SBNO1: variants seen among roughly 807,000 people sequenced by gnomAD.
SBNO1 encodes the protein strawberry notch homolog 1.
A neutral mutation model predicts 173.6 loss-of-function variants in SBNO1; 23 were observed. The ratio of observed to expected loss-of-function variants is 0.13; its 90% confidence interval spans 0.10 to 0.19. The LOEUF (loss-of-function observed/expected upper bound fraction) is 0.19, where lower values mean the gene tolerates loss of function less well. Ranked by LOEUF, SBNO1 falls within the 10% of genes least tolerant of loss-of-function variation. The pLI is 1.00. For synonymous variants in SBNO1, 632 were observed against 571.5 expected, an observed-to-expected ratio of 1.11 and a Z score of -1.51; for missense variants, 1,238 against 1,671.2, an observed-to-expected ratio of 0.74 and a Z score of 4.52.
chr12:123,308,841 C>T (rs1174944584), intron 28 of SBNO1, among the ~76,000 whole-genome samples: 3 of 151,630 alleles, frequency 2.0e-5, no homozygotes, highest in South Asian at 2.1e-4. Context: ...CAGTGGCTCA[C>T]GCCTCTAATC....
At chr12:123,300,802 A>C (rs1471157189) in intron 30 of SBNO1, among the ~76,000 whole-genome samples, 2 of 151,440 alleles carry the variant, frequency 1.3e-5, no homozygotes, top group Non-Finnish European at 2.9e-5. Context: ...TCTACTAAAA[A>C]TACAAAAATT....
At position 123,345,506 on chromosome 12, in the gene SBNO1, G is replaced by T. The variant is rs1297971096; in HGVS notation, c.302C>A (p.Ser101Tyr). 1.9e-6 allele frequency: 3 copies of T among 1,613,970 alleles called. No individual in the cohort carries two copies. The highest frequency in any genetic ancestry group is 2.5e-6 in the Non-Finnish European group (3 of 1,179,984). ...NQINHLPPLG[S>Y]TIVMTKTPPV... ...TGGTGTTTTAGTCATTACAATTGTA[G>T]ATCCCAAGGGTGGAAGATGATTTAT... The change falls in exon 4 of 32, where the codon TCT (serine) becomes TAT (tyrosine). Residue 101 changes from serine to tyrosine, a missense_variant. Around this residue, in one of 14 missense-constraint regions of SBNO1, gnomAD observed 287 missense variants for 274.1 expected, o/e 1.05. Coordinates refer to ENST00000602398, the MANE Select transcript of SBNO1 (RefSeq NM_001167856.3).
chr12:123,322,718 C>G (rs1380508959), intron 16 of SBNO1, among the ~76,000 whole-genome samples: 1 of 151,530 alleles, frequency 6.6e-6, no homozygotes, highest in Non-Finnish European at 1.5e-5. Context: ...CCAGCCTGGC[C>G]AACATGGTGA....
At chr12:123,320,280 GC>G in intron 19 of SBNO1, 151 bp downstream of exon 19, 1 of 782,908 alleles carries the variant, frequency 1.3e-6, no homozygotes, top group Non-Finnish European at 2.0e-6. Context: ...ACTGCAGGCA[GC>G]AGTTCATTGG....
intron 1 of SBNO1, among the ~76,000 whole-genome samples, chr12:123,351,563 G>A (rs1395094059): frequency 6.6e-6 from 1 of 151,450 alleles, no homozygotes; most frequent in Non-Finnish European, 1.5e-5. Flanking sequence ...GCAGGGAGCT[G>A]TGATTGCACA....
chr12:123,360,159 C>T (rs914159674), intron 1 of SBNO1, among the ~76,000 whole-genome samples: 1 of 151,530 alleles, frequency 6.6e-6, no homozygotes, highest in Non-Finnish European at 1.5e-5. Flanking sequence ...GCAGGAGAAT[C>T]GCTTGAATCT....
At chr12:123,362,049 T>A (rs1248097736) in intron 1 of SBNO1, among the ~76,000 whole-genome samples, 2 of 149,418 alleles carry the variant, frequency 1.3e-5, no homozygotes, top group Non-Finnish European at 3.0e-5. Flanking sequence ...TGAGGCAGAA[T>A]AACCGTTTTA....
intron 23 of SBNO1, 33 bp from the exon 24 acceptor site, chr12:123,313,752 T>A (rs750648043): frequency 7.7e-7 from 1 of 1,302,858 alleles, no homozygotes; most frequent in East Asian, 2.3e-5. Flanking sequence ...TTAACCAGTT[T>A]CAGCATTTGG....
At chr12:123,325,679 T>C (rs1870532415) in intron 14 of SBNO1, 80 bp from the exon 15 acceptor site, 3 of 920,602 alleles carry the variant, frequency 3.3e-6, no homozygotes, top group Non-Finnish European at 5.1e-6. Context: ...AACATTTAGC[T>C]AAACAAAGAT....
rs1870177949 is a variant in SBNO1 at position 123,322,980 on chromosome 12, A to T, written c.2125+700T>A. On this transcript the variant is annotated intron_variant, in intron 16 of 31. Coordinates refer to ENST00000602398, the MANE Select transcript of SBNO1 (RefSeq NM_001167856.3). Reference sequence around the variant, plus strand: ...AAAGAACAGGTCTGACAATACAAAGACACAGGTTTTAGTTCCCATGCATCA... The same window carrying T: ...AAAGAACAGGTCTGACAATACAAAGTCACAGGTTTTAGTTCCCATGCATCA... Among the ~76,000 whole-genome samples, 3 of 152,326 alleles carry T rather than the reference A, an allele frequency of 2.0e-5. No homozygotes were observed. The South Asian group carries it at 6.2e-4, about 32-fold the overall frequency.
chr12:123,340,167 G>A (rs1354476720), intron 5 of SBNO1, among the ~76,000 whole-genome samples: 2 of 152,140 alleles, frequency 1.3e-5, no homozygotes, highest in Non-Finnish European at 2.9e-5. Context: ...GTAGAATCAT[G>A]TAATAAATAT....
intron 28 of SBNO1, 91 bp from the exon 29 acceptor site, chr12:123,304,810 T>C (rs765815323): frequency 4.5e-6 from 4 of 898,778 alleles, no homozygotes; most frequent in Non-Finnish European, 7.0e-6. Context: ...CATAATCATT[T>C]GAGACTATAA....
At chr12:123,305,053 CAG>C (rs1445007810) in intron 28 of SBNO1, among the ~76,000 whole-genome samples, 17 of 152,208 alleles carry the variant, frequency 1.1e-4, no homozygotes, top group Admixed American at 1.1e-3. Flanking sequence ...CAAGCAGCCT[CAG>C]AGAGGTAAGA....
At chr12:123,342,244 C>G (rs911183203) in intron 4 of SBNO1, among the ~76,000 whole-genome samples, 2 of 151,520 alleles carry the variant, frequency 1.3e-5, no homozygotes, top group Non-Finnish European at 2.9e-5. Context: ...GAGTAAAACT[C>G]TGTCTCAAAA....
rs199781976 is a variant in SBNO1 at position 123,309,871 on chromosome 12, G to T, written c.3296-15C>A. The T allele has an allele frequency of 1.1e-3, 1,663 of 1,552,516 alleles. 3 individuals carry two copies. Among genetic ancestry groups the T allele is most frequent in the Non-Finnish European group, 1.4e-3 (1,581 of 1,147,206 alleles). On this transcript the variant is annotated splice_polypyrimidine_tract_variant and intron_variant, in intron 25 of 31. Transcript: ENST00000602398. The stretch of plus-strand genomic sequence containing the variant: ...GTTGTTATAATCTGTAATGACAAAA[G>T]ATAAACGTTTTCATGCAAATGATAA...
intron 1 of SBNO1, chr12:123,364,218 C>T: frequency 2.0e-6 from 2 of 985,620 alleles, no homozygotes; most frequent in Non-Finnish European, 2.4e-6. Context: ...GACCGCGTCG[C>T]CTGCCTCCCT....
intron 1 of SBNO1, chr12:123,364,208 G>A (rs1211288339): frequency 6.1e-6 from 6 of 985,500 alleles, no homozygotes; most frequent in Admixed American, 1.2e-4. Flanking sequence ...TAGGAAGGAC[G>A]ACCGCGTCGC....
At chr12:123,303,325 C>T (rs894447596) in intron 29 of SBNO1, among the ~76,000 whole-genome samples, 24 of 152,138 alleles carry the variant, frequency 1.6e-4, no homozygotes, top group Admixed American at 6.6e-5. Context: ...TGGAAGCTTC[C>T]TTTACTGAAG....
At chr12:123,331,583 G>A (rs1426485083) in intron 7 of SBNO1, among the ~76,000 whole-genome samples, 1 of 151,628 alleles carries the variant, frequency 6.6e-6, no homozygotes, top group African/African-American at 2.4e-5. Context: ...GTGCAGTGGC[G>A]CGATCTTGGC....
Sources: allele counts gnomAD v4.1 joint callset (sites outside exome capture counted in the v4.1 genomes callset), GRCh38; gene constraint gnomAD v4.1.1; regional missense constraint gnomAD v4.1.1; transcripts MANE v1.5; gene names NCBI Gene and HGNC (gene_info 2026-07-23, HGNC 2026-07-21).